The following CDC27 variants were observed in gnomAD, a reference collection of about 807,000 sequenced individuals.
CDC27 encodes cell division cycle 27.
Under a neutral mutation model 109.7 loss-of-function variants are expected in CDC27, and 27 were observed. The ratio of observed to expected loss-of-function variants is 0.25; its 90% CI spans 0.18 to 0.34. CDC27 has a LOEUF of 0.34. CDC27 is among the 10% of genes least tolerant of loss of function. The probability of loss-of-function intolerance (pLI) is 1.00; values close to 1 mark genes in which losing one functional copy is unlikely to be tolerated. For missense variants in CDC27, 579 were observed against 960.2 expected (o/e 0.60, Z 5.25); for synonymous variants, 266 against 333.9 (o/e 0.80, Z 2.22).
chr17:47,175,009 GAGAA>G (rs1227941317), intron 2 of CDC27, among the ~76,000 whole-genome samples: 1 of 135,128 alleles, frequency 7.4e-6, no homozygotes, highest in Admixed American at 7.7e-5. Flanking sequence ...AAAGGAGAGA[GAGAA>G]AGAAAGAAAG....
intron 9 of CDC27, among the ~76,000 whole-genome samples, chr17:47,145,772 G>A (rs1279966252): frequency 6.6e-6 from 1 of 151,980 alleles, no homozygotes; most frequent in Non-Finnish European, 1.5e-5. Flanking sequence ...ATGATGGCGG[G>A]TGCCTGTAAT....
intron 12 of CDC27, 99 bp from the exon 13 acceptor site, chr17:47,138,990 G>A: frequency 1.3e-6 from 1 of 760,184 alleles, no homozygotes; most frequent in Non-Finnish European, 2.1e-6. Flanking sequence ...TCTAAATGCT[G>A]CCTTGTATTA....
intron 4 of CDC27, among the ~76,000 whole-genome samples, chr17:47,165,771 A>C (rs146488361): frequency 8.2e-4 from 125 of 152,270 alleles, no homozygotes; most frequent in African/African-American, 2.9e-3. Flanking sequence ...TAAAAGTTTA[A>C]TAGTTTTATG....
chr17:47,137,734 T>A (rs2062661429), intron 13 of CDC27, among the ~76,000 whole-genome samples: 1 of 152,050 alleles, frequency 6.6e-6, no homozygotes, highest in Admixed American at 6.6e-5. Context: ...TTGGACAGAA[T>A]TTGAATCCCA....
chr17:47,132,442 T>A, intron 14 of CDC27, 68 bp from the exon 15 acceptor site: 1 of 693,086 alleles, frequency 1.4e-6, no homozygotes, highest in Non-Finnish European at 2.3e-6. Context: ...GTTCAATTAG[T>A]AAAAGAACAA....
At chr17:47,159,709 G>C (rs1240742627) in intron 4 of CDC27, 1 of 418,494 alleles carries the variant, frequency 2.4e-6, no homozygotes, top group Non-Finnish European at 4.5e-6. Flanking sequence ...CCTCGAACCT[G>C]GTGCCCTGGC....
At chr17:47,126,734 T>C (rs745733863) in intron 16 of CDC27, among the ~76,000 whole-genome samples, 6 of 152,236 alleles carry the variant, frequency 3.9e-5, no homozygotes, top group Admixed American at 3.3e-4. Flanking sequence ...TTTGCAATTA[T>C]AGTACTTCAA....
At chr17:47,188,109 C>A (rs540754037) in intron 1 of CDC27, among the ~76,000 whole-genome samples, 1 of 152,118 alleles carries the variant, frequency 6.6e-6, no homozygotes, top group African/African-American at 2.4e-5. Flanking sequence ...TGTTTGATAC[C>A]TCAAGCCTTT....
intron 14 of CDC27, among the ~76,000 whole-genome samples, chr17:47,134,484 TG>T (rs1355231017): frequency 6.6e-6 from 1 of 151,076 alleles, no homozygotes; most frequent in African/African-American, 2.5e-5. Context: ...GTTTTTTTTT[TG>T]TTTTGTTTTG....
chr17:47,144,136 T>C (rs1048426849), intron 9 of CDC27, among the ~76,000 whole-genome samples, 154 bp from the exon 10 acceptor site: 1 of 152,210 alleles, frequency 6.6e-6, no homozygotes, highest in African/African-American at 2.4e-5. Flanking sequence ...GGTTTCTCTA[T>C]GAAAACACAG....
At chr17:47,171,323 A>G (rs2063805835) in intron 3 of CDC27, among the ~76,000 whole-genome samples, 1 of 152,176 alleles carries the variant, frequency 6.6e-6, no homozygotes, top group Admixed American at 6.5e-5. Context: ...CCCCTTGTAA[A>G]CCTACAAGCC....
chr17:47,156,809 T>C (rs1376215968), intron 7 of CDC27, 104 bp downstream of exon 7: 13 of 453,090 alleles, frequency 2.9e-5, no homozygotes, highest in Non-Finnish European at 1.6e-5. Context: ...GTTTCCACAG[T>C]GATTTAGAAG....
chr17:47,123,970 G>T lies in CDC27; in HGVS notation c.2161-10C>A. ...GTTCTTGTAAAGCAGACTGAAAAAG[G>T]CAAAGAAAAACCTTAAAGTAGCAAA... is the stretch of plus-strand genomic sequence containing the variant. On this transcript the variant is annotated splice_polypyrimidine_tract_variant and intron_variant, in intron 16 of 18. Coordinates refer to ENST00000066544, the MANE Select transcript of CDC27 (RefSeq NM_001256.6). 1.3e-6 allele frequency: 2 copies of T among 1,571,610 alleles called. No homozygotes were observed. Among genetic ancestry groups the T allele is most frequent in the Non-Finnish European group, 1.7e-6 (2 of 1,166,218 alleles).
At chr17:47,153,098 G>A (rs1187719732) in intron 8 of CDC27, among the ~76,000 whole-genome samples, 1 of 152,124 alleles carries the variant, frequency 6.6e-6, no homozygotes, top group Non-Finnish European at 1.5e-5. Flanking sequence ...TCATCCAAGG[G>A]ACAAAAGTCA....
chr17:47,171,357 A>G (rs929754163), intron 3 of CDC27, among the ~76,000 whole-genome samples: 1 of 152,210 alleles, frequency 6.6e-6, no homozygotes, highest in African/African-American at 2.4e-5. Context: ...GGCTTTTACA[A>G]ATATCTAACA....
At chr17:47,152,392 A>AT (rs1262579460) in intron 8 of CDC27, among the ~76,000 whole-genome samples, 1 of 152,160 alleles carries the variant, frequency 6.6e-6, no homozygotes, top group Non-Finnish European at 1.5e-5. Flanking sequence ...AGAGGAGTAG[A>AT]TTTTAAAAAA....
intron 1 of CDC27, among the ~76,000 whole-genome samples, chr17:47,185,640 G>C (rs1419273925): frequency 3.9e-5 from 6 of 152,196 alleles, no homozygotes; most frequent in African/African-American, 1.4e-4. Flanking sequence ...TGGCTCAAGT[G>C]ATCTGTCTGC....
intron 9 of CDC27, among the ~76,000 whole-genome samples, chr17:47,147,196 C>T (rs370555651): frequency 8.7e-4 from 132 of 151,012 alleles, no homozygotes; most frequent in African/African-American, 3.0e-3. Context: ...GTCAGGAGAT[C>T]GAGACCATCC....
chr17:47,171,440 A>G (rs1403073617), intron 3 of CDC27, among the ~76,000 whole-genome samples: 1 of 152,254 alleles, frequency 6.6e-6, no homozygotes, highest in Non-Finnish European at 1.5e-5. Context: ...AGAATTGAAT[A>G]GAACCTAACT....
Sources: gnomAD v4.1 joint callset for allele counts (sites outside exome capture counted in the v4.1 genomes callset) on GRCh38, gnomAD v4.1.1 for gene constraint, MANE v1.5 for transcripts, NCBI Gene and HGNC (gene_info 2026-07-23, HGNC 2026-07-21) for gene names.